The following DOCK9 variants were observed in gnomAD, a reference collection of about 807,000 sequenced individuals.
DOCK9 encodes the protein dedicator of cytokinesis 9.
A neutral mutation model predicts 263.3 loss-of-function variants in DOCK9; 89 were observed. That is an observed-to-expected ratio of 0.34 (90% CI 0.28 to 0.40). DOCK9 has a LOEUF of 0.40. Among genes scored for constraint, DOCK9 ranks in the 10% least tolerant of loss-of-function variants. DOCK9 has a pLI of 1.00. For synonymous variants in DOCK9, 976 were observed against 973.1 expected (o/e 1.00, Z -0.06); for missense variants, 2,140 against 2,603.4 (o/e 0.82, Z 3.87).
intron 38 of DOCK9, among the ~76,000 whole-genome samples, chr13:98,844,371 AT>A (rs67695377): frequency 0.25 from 37,557 of 150,286 alleles, 4,851 homozygotes; most frequent in South Asian, 0.35. Context: ...TATTTTTTTT[AT>A]TTTTTTTTTG....
chr13:98,930,401 C>T (rs2053724911), intron 2 of DOCK9, 144 bp from the exon 3 acceptor site: 1 of 685,870 alleles, frequency 1.5e-6, no homozygotes, highest in East Asian at 2.7e-5. Context: ...TGCCTCCTTC[C>T]GTCACACACA....
chr13:98,810,377 A>G (rs1434749555), intron 45 of DOCK9, 86 bp from the exon 46 acceptor site: 11 of 1,531,600 alleles, frequency 7.2e-6, no homozygotes, highest in East Asian at 4.6e-5. Context: ...AAGTGCTAAG[A>G]CTGCCAGGAG....
intron 33 of DOCK9, chr13:98,858,070 G>A (rs529053007): frequency 1.4e-4 from 21 of 152,090 alleles, no homozygotes; most frequent in African/African-American, 5.1e-4. Flanking sequence ...CTTGATTCCA[G>A]AACTAGAGTC....
At chr13:99,067,227 C>T (rs1434099260) in intron 1 of DOCK9, among the ~76,000 whole-genome samples, 1 of 152,146 alleles carries the variant, frequency 6.6e-6, no homozygotes, top group Non-Finnish European at 1.5e-5. Context: ...CAAATGTTTA[C>T]CTTTCTTTAG....
chr13:98,799,812 G>A (rs572930738), intron 50 of DOCK9, among the ~76,000 whole-genome samples: 4 of 152,132 alleles, frequency 2.6e-5, no homozygotes, highest in Non-Finnish European at 5.9e-5. Context: ...ACATAAAAAT[G>A]CTACCAATAA....
intron 1 of DOCK9, among the ~76,000 whole-genome samples, chr13:99,082,306 T>C (rs2042152151): frequency 6.6e-6 from 1 of 151,416 alleles, no homozygotes; most frequent in Non-Finnish European, 1.5e-5. Context: ...TCACCTGAGG[T>C]GAGGAGTTCA....
At chr13:98,856,844 C>T (rs1353354132) in intron 33 of DOCK9, 1 of 152,136 alleles carries the variant, frequency 6.6e-6, no homozygotes, top group East Asian at 1.9e-4. Context: ...GTGTGTCTTT[C>T]AGCCTAGGGA....
At chr13:98,978,556 C>T (rs1414186676), upstream of DOCK9, among the ~76,000 whole-genome samples, 2 of 152,210 alleles carry the variant, frequency 1.3e-5, no homozygotes, top group African/African-American at 2.4e-5. Context: ...AATTTATGTA[C>T]TATTTGATGC....
intron 2 of DOCK9, among the ~76,000 whole-genome samples, chr13:98,947,806 C>T (rs2056922433): frequency 6.6e-6 from 1 of 152,132 alleles, no homozygotes; most frequent in South Asian, 2.1e-4. Context: ...GCACCCGGCC[C>T]AGAAATATAA....
chr13:98,999,415 A>T (rs1421705897), intron 1 of DOCK9, among the ~76,000 whole-genome samples: 1 of 152,148 alleles, frequency 6.6e-6, no homozygotes, highest in Non-Finnish European at 1.5e-5. Flanking sequence ...ATTGGCTTTT[A>T]AAATCTCATT....
chr13:98,911,347 G>C (rs7992160), intron 9 of DOCK9, among the ~76,000 whole-genome samples: 6,685 of 152,184 alleles, frequency 0.044, 349 homozygotes, highest in African/African-American at 0.12. Context: ...AAATGTTTGA[G>C]GTGATGGCTA....
At chr13:99,060,610 C>A (rs1454682571) in intron 1 of DOCK9, among the ~76,000 whole-genome samples, 1 of 152,182 alleles carries the variant, frequency 6.6e-6, no homozygotes, top group African/African-American at 2.4e-5. Flanking sequence ...AATCTCTCCA[C>A]GTCCTTACCA....
intron 45 of DOCK9, among the ~76,000 whole-genome samples, chr13:98,811,732 G>A (rs1023182848): frequency 2.6e-5 from 4 of 152,170 alleles, no homozygotes; most frequent in African/African-American, 9.7e-5. Context: ...TCTTAACAGT[G>A]TCTTTTAAAG....
At position 98,800,349 on chromosome 13, in the gene DOCK9, G is replaced by A. The variant is rs2089968917; in HGVS notation, c.5855C>T (p.Ser1952Phe). 7 of 1,613,212 alleles carry A rather than the reference G, an allele frequency of 4.3e-6. No individual in the cohort carries two copies. The highest frequency in any genetic ancestry group is 4.5e-5 in the East Asian group (2 of 44,884). The change falls in exon 50 of 53, where the codon TCC becomes TTC. Residue 1952 changes from serine to phenylalanine, a missense_variant. Ser to Phe is a radical substitution (Grantham distance 155, BLOSUM62 -2). Coordinates refer to ENST00000682017, the MANE Select transcript of DOCK9 (RefSeq NM_001366683.2). ...TTTGATCATGTCCACCTCGGCCGAG[G>A]AGCACAGCTGCCGGAGCTCCGCCAC... ...KKVAELRQLC[S>F]SAEVDMIKLQ...
intron 27 of DOCK9, 87 bp from the exon 28 acceptor site, chr13:98,868,464 A>T (rs1410313949): frequency 1.6e-5 from 23 of 1,429,744 alleles, no homozygotes; most frequent in African/African-American, 4.3e-5. Context: ...AGTCCATCTT[A>T]AAAAACCCAG....
chr13:98,848,724 T>C (rs1421210494), intron 36 of DOCK9, 85 bp from the exon 37 acceptor site: 5 of 1,329,092 alleles, frequency 3.8e-6, no homozygotes, highest in Non-Finnish European at 5.3e-6. Flanking sequence ...AATAACAAAT[T>C]CAATAAACAT....
At chr13:98,993,142 T>C (rs1426869420) in intron 1 of DOCK9, among the ~76,000 whole-genome samples, 1 of 152,216 alleles carries the variant, frequency 6.6e-6, no homozygotes, top group Non-Finnish European at 1.5e-5. Flanking sequence ...CAGCCTCTTT[T>C]CCACAGCATA....
chr13:98,837,956 C>A (rs1167734802), intron 38 of DOCK9, among the ~76,000 whole-genome samples: 1 of 152,118 alleles, frequency 6.6e-6, no homozygotes, highest in Admixed American at 6.5e-5. Flanking sequence ...GATTGTTGAA[C>A]CCTTGGTGGA....
chr13:99,062,315 A>G (rs893033122), intron 1 of DOCK9, among the ~76,000 whole-genome samples: 1 of 152,224 alleles, frequency 6.6e-6, no homozygotes, highest in Non-Finnish European at 1.5e-5. Flanking sequence ...TAAAGTTTAC[A>G]TTTACTTTTA....
Sources: gnomAD v4.1 joint callset for allele counts (sites outside exome capture counted in the v4.1 genomes callset) on GRCh38, gnomAD v4.1.1 for gene constraint, MANE v1.5 for transcripts, NCBI Gene and HGNC (gene_info 2026-07-23, HGNC 2026-07-21) for gene names.